Variants in RBFOX1 observed in about 807,000 individuals in gnomAD.
RBFOX1 encodes RNA binding protein fox-1 homolog 1.
Under a neutral mutation model 57.7 loss-of-function variants are expected in RBFOX1, and 8 were observed. The ratio of observed to expected loss-of-function variants is 0.14; its 90% confidence interval spans 0.08 to 0.25. RBFOX1 has a LOEUF of 0.25. Among genes scored for constraint, RBFOX1 ranks in the 10% least tolerant of loss-of-function variants. RBFOX1 has a pLI of 1.00. For missense variants in RBFOX1, 611 were observed against 548.5 expected, an observed-to-expected ratio of 1.11 and a Z score of -1.14; for synonymous variants, 326 against 222.4, an observed-to-expected ratio of 1.47 and a Z score of -4.15.
chr16:5,416,251 C>T (rs541868404), intron 1 of RBFOX1, among the ~76,000 whole-genome samples: 1 of 152,302 alleles, frequency 6.6e-6, no homozygotes, highest in African/African-American at 2.4e-5. Flanking sequence ...AGTCATTTGT[C>T]TACGGTCACA....
chr16:5,421,763 A>G (rs1378090178), intron 1 of RBFOX1, among the ~76,000 whole-genome samples: 1 of 152,240 alleles, frequency 6.6e-6, no homozygotes, highest in African/African-American at 2.4e-5. Flanking sequence ...AAGAATATGC[A>G]AATAACCCTT....
chr16:5,487,904 A>G (rs1203205573), intron 2 of RBFOX1, among the ~76,000 whole-genome samples: 1 of 152,042 alleles, frequency 6.6e-6, no homozygotes, highest in Admixed American at 6.6e-5. Context: ...GAAGCTGTTG[A>G]TAATGGAGAT....
chr16:7,304,280 C>G (rs1247410580), intron 4 of RBFOX1: 1 of 983,490 alleles, frequency 1.0e-6, no homozygotes, highest in Non-Finnish European at 1.2e-6. Flanking sequence ...ACTTAGATAA[C>G]CAGCAAAATT....
In RBFOX1 at chr16:7,187,515, C is replaced by A. The variant is rs573115537; in HGVS notation, c.27+135417C>A. ...CCATCCTGGCTAACACAGTGAAACC[C>A]CATCTCTACTAAAAATACAAAAAAT... On this transcript the variant is annotated intron_variant, in intron 4 of 15. Coordinates refer to ENST00000550418, the MANE Select transcript of RBFOX1 (RefSeq NM_018723.4). 4.5e-4 allele frequency among the ~76,000 whole-genome samples: 68 copies of A among 151,014 alleles called. 1 individual carries two copies. The highest frequency in any genetic ancestry group is 1.6e-3 in the African/African-American group (64 of 41,152).
intron 1 of RBFOX1, among the ~76,000 whole-genome samples, chr16:5,241,291 T>C (rs1198937417): frequency 1.3e-5 from 2 of 152,210 alleles, no homozygotes; most frequent in Non-Finnish European, 2.9e-5. Flanking sequence ...AGGTGAATTT[T>C]CTCTGAGATT....
chr16:6,929,011 G>T (rs2076087416), intron 3 of RBFOX1, among the ~76,000 whole-genome samples: 1 of 152,148 alleles, frequency 6.6e-6, no homozygotes, highest in Admixed American at 6.5e-5. Context: ...AGACACGCAT[G>T]CTTGAGTTCC....
intron 3 of RBFOX1, among the ~76,000 whole-genome samples, chr16:6,934,574 C>G (rs900779481): frequency 3.3e-5 from 5 of 152,102 alleles, no homozygotes; most frequent in African/African-American, 1.2e-4. Context: ...AAAAAGATAA[C>G]AAAGTCATGT....
chr16:6,432,444 G>T (rs1363783994), intron 2 of RBFOX1, among the ~76,000 whole-genome samples: 1 of 151,876 alleles, frequency 6.6e-6, no homozygotes, highest in Admixed American at 6.6e-5. Flanking sequence ...GGGCAAGGCG[G>T]GCGGATCACC....
At chr16:5,995,290 A>C (rs560363519) in intron 4 of RBFOX1, among the ~76,000 whole-genome samples, 35 of 152,206 alleles carry the variant, frequency 2.3e-4, no homozygotes, top group African/African-American at 8.4e-4. Context: ...ATAGTTGCAC[A>C]TATATCTTAG....
intron 1 of RBFOX1, among the ~76,000 whole-genome samples, chr16:6,120,531 A>G (rs1440556406): frequency 6.6e-6 from 1 of 152,138 alleles, no homozygotes; most frequent in Non-Finnish European, 1.5e-5. Context: ...AATTTGTCTC[A>G]GTCTCAGTTT....
At chr16:7,501,237 A>T (rs1407532033) in intron 4 of RBFOX1, among the ~76,000 whole-genome samples, 1 of 152,174 alleles carries the variant, frequency 6.6e-6, no homozygotes, top group Non-Finnish European at 1.5e-5. Flanking sequence ...TCCTCTGCTT[A>T]TTTCTTCTAT....
intron 6 of RBFOX1, among the ~76,000 whole-genome samples, chr16:7,580,347 C>T (rs558177651): frequency 2.6e-4 from 39 of 152,246 alleles, no homozygotes; most frequent in Non-Finnish European, 4.1e-4. Context: ...CCTGCATTGC[C>T]TAGTCTTTCC....
chr16:5,592,615 C>T (rs192225563), intron 2 of RBFOX1, among the ~76,000 whole-genome samples: 1 of 152,232 alleles, frequency 6.6e-6, no homozygotes, highest in Admixed American at 6.5e-5. Flanking sequence ...GGGGTTTCAC[C>T]ATGTTGGCTA....
chr16:6,410,137 A>G (rs149480748), intron 2 of RBFOX1, among the ~76,000 whole-genome samples: 1 of 147,944 alleles, frequency 6.8e-6, no homozygotes, highest in Non-Finnish European at 1.5e-5. Context: ...TTTCTTCTTC[A>G]TTGCAGTTTA....
Position 7,477,631 on chromosome 16 carries a change from C to G in RBFOX1, c.28-40516C>G, listed in dbSNP as rs977756169. ...TCCTGGGACCCCCAAGCTGCTCTCA[C>G]CTTATTACGATGGTAGTAACTACAT... On this transcript the variant is annotated intron_variant, in intron 4 of 15. Coordinates refer to ENST00000550418, the MANE Select transcript of RBFOX1 (RefSeq NM_018723.4). Among the ~76,000 whole-genome samples the G allele has an allele frequency of 1.2e-4, 18 of 152,164 alleles. 1 individual carries two copies. Among genetic ancestry groups the G allele is most frequent in the African/African-American group, 4.3e-4 (18 of 41,434 alleles).
At chr16:5,976,287 T>C (rs1323359790) in intron 4 of RBFOX1, among the ~76,000 whole-genome samples, 2 of 152,326 alleles carry the variant, frequency 1.3e-5, no homozygotes, top group South Asian at 2.1e-4. Flanking sequence ...CAGAGTTCTG[T>C]GAGCACACGA....
At chr16:6,688,905 G>T (rs1463400755) in intron 3 of RBFOX1, among the ~76,000 whole-genome samples, 1 of 152,136 alleles carries the variant, frequency 6.6e-6, no homozygotes, top group Non-Finnish European at 1.5e-5. Flanking sequence ...TTCTGTTCCT[G>T]TGTCAGTTTC....
intron 1 of RBFOX1, among the ~76,000 whole-genome samples, chr16:6,106,894 A>G (rs1043109768): frequency 6.6e-6 from 1 of 151,960 alleles, no homozygotes; most frequent in Non-Finnish European, 1.5e-5. Flanking sequence ...GATGGTCTCA[A>G]TCTCCTGACC....
chr16:5,719,418 G>T (rs1341278726), intron 3 of RBFOX1, among the ~76,000 whole-genome samples: 1 of 149,346 alleles, frequency 6.7e-6, no homozygotes, highest in Admixed American at 6.7e-5. Context: ...CACCATGTTC[G>T]CCAGGATGGT....
Sources: allele counts gnomAD v4.1 joint callset (sites outside exome capture counted in the v4.1 genomes callset), GRCh38; gene constraint gnomAD v4.1.1; transcripts MANE v1.5; gene names NCBI Gene and HGNC (gene_info 2026-07-23, HGNC 2026-07-21).